The following HMCN2 variants were observed in gnomAD, a reference collection of about 807,000 sequenced individuals.
The protein encoded by HMCN2 is hemicentin 2.
Under a neutral mutation model 377.5 loss-of-function variants are expected in HMCN2, and 325 were observed. The ratio of observed to expected loss-of-function variants is 0.86; its 90% confidence interval spans 0.79 to 0.94. The LOEUF (loss-of-function observed/expected upper bound fraction) is 0.94, where lower values mean the gene tolerates loss of function less well. Ranked by LOEUF, HMCN2 falls within the 40% of genes least tolerant of loss-of-function variation. The probability of loss-of-function intolerance (pLI) is 0.00; values close to 1 mark genes in which losing one functional copy is unlikely to be tolerated. For missense variants in HMCN2, 4,543 were observed against 4,725.3 expected (o/e 0.96, Z 1.13); for synonymous variants, 2,007 against 2,046.8 (o/e 0.98, Z 0.53).
chr9:130,328,820 C>T (rs1250999282), intron 22 of HMCN2, among the ~76,000 whole-genome samples: 17 of 152,094 alleles, frequency 1.1e-4, no homozygotes, highest in African/African-American at 2.7e-4. Context: ...GGGGTAATGA[C>T]GGATGTGCAG....
At chr9:130,415,028 G>A (rs1230981509) in intron 85 of HMCN2, among the ~76,000 whole-genome samples, 1 of 152,068 alleles carries the variant, frequency 6.6e-6, no homozygotes, top group Non-Finnish European at 1.5e-5. Flanking sequence ...GGTGCCAGCA[G>A]AGCCCCACTT....
At position 130,360,255 on chromosome 9, in the gene HMCN2, C is replaced by A. The variant is rs891984950; in HGVS notation, c.5774-173C>A. Among the ~76,000 whole-genome samples the A allele has an allele frequency of 1.3e-5, 2 of 152,152 alleles. No individual in the cohort carries two copies. The highest frequency in any genetic ancestry group is 4.8e-5 in the African/African-American group (2 of 41,406). ...CTGGAAGTTTCTCTTGGGTGCCCAC[C>A]ACACCAGCAGAGTCTGACGGGCTGG... On this transcript the variant is annotated intron_variant, in intron 37 of 97. Transcript: ENST00000683500. The surrounding 1 kb of genome is among the most constrained non-coding windows in gnomAD (Gnocchi z 4.7).
At chr9:130,267,373 C>T (rs1554919520) in intron 1 of HMCN2, among the ~76,000 whole-genome samples, 2 of 150,810 alleles carry the variant, frequency 1.3e-5, no homozygotes, top group Non-Finnish European at 2.9e-5. Flanking sequence ...TATCATTCAC[C>T]CCTCTGTCAA....
At chr9:130,388,655 A>C in intron 62 of HMCN2, 115 bp downstream of exon 62, 1 of 679,122 alleles carries the variant, frequency 1.5e-6, no homozygotes, top group Non-Finnish European at 1.8e-6. Flanking sequence ...AAAACCAGAG[A>C]CTGGCAGTGC....
At chr9:130,371,541 G>T (rs1012081547) in intron 46 of HMCN2, among the ~76,000 whole-genome samples, 3 of 152,200 alleles carry the variant, frequency 2.0e-5, no homozygotes, top group Non-Finnish European at 4.4e-5. Context: ...GGTTTGTGAG[G>T]TTCTTGCTGG....
chr9:130,293,279 G>GTTTTTTT lies in HMCN2; in HGVS notation c.613-1561_613-1555dup, dbSNP rs71387339. Among the ~76,000 whole-genome samples, 332 of 57,098 alleles carry GTTTTTTT rather than the reference G, an allele frequency of 5.8e-3. 31 individuals are homozygous for GTTTTTTT. Among genetic ancestry groups the GTTTTTTT allele is most frequent in the East Asian group, 7.6e-3 (12 of 1,578 alleles). 37.5% of individuals were successfully genotyped at this position (57,098 alleles called of 152,430 possible). A position where few individuals can be genotyped will look rare whatever the true frequency, so the allele number is the denominator to read the frequency against. Reference sequence around the variant, plus strand: ...TTCCAAATAAAATCTACTCACTAAAGTTTTTTTTTTTTTTTTTTTTTGCGG... The same window carrying GTTTTTTT: ...TTCCAAATAAAATCTACTCACTAAAGTTTTTTTTTTTTTTTTTTTTTTTTTTTTGCGG... On this transcript the variant is annotated intron_variant, in intron 4 of 97. Transcript: ENST00000683500.
rs1467206698 is a variant in HMCN2 at position 130,422,552 on chromosome 9, C to T, written c.13232-25C>T. The stretch of plus-strand genomic sequence containing the variant: ...GCCCCGGGGTGGATAGTCAGTGGCA[C>T]TGTCATTCTTTCCCTTCCTTACAGG... On this transcript the variant is annotated intron_variant, in intron 86 of 97. Coordinates refer to ENST00000683500, the MANE Select transcript of HMCN2 (RefSeq NM_001291815.2). The surrounding 1 kb of genome is among the most constrained non-coding windows in gnomAD (Gnocchi z 4.2). 3.0e-6 allele frequency: 4 copies of T among 1,312,388 alleles called. No homozygotes were observed. Among genetic ancestry groups the T allele is most frequent in the Non-Finnish European group, 3.9e-6 (4 of 1,023,776 alleles). The allele number at this position is 1,312,388 out of a possible 1,614,324, so 81.3% of individuals were successfully genotyped here.
At chr9:130,349,436 G>T (rs1839574971) in intron 28 of HMCN2, 101 bp from the exon 29 acceptor site, 5 of 1,211,028 alleles carry the variant, frequency 4.1e-6, no homozygotes, top group Non-Finnish European at 5.3e-6. Flanking sequence ...CAGGTAGGAG[G>T]GGGGCCCAGG....
chr9:130,417,367 CA>C (rs1391348411), intron 85 of HMCN2, among the ~76,000 whole-genome samples: 31 of 151,050 alleles, frequency 2.1e-4, no homozygotes, highest in African/African-American at 6.1e-4. Flanking sequence ...ACCAAAAATA[CA>C]AAAATTAGCC....
At chr9:130,418,248 G>A (rs116297582) in intron 85 of HMCN2, among the ~76,000 whole-genome samples, 88 of 152,266 alleles carry the variant, frequency 5.8e-4, no homozygotes, top group African/African-American at 1.9e-3. Flanking sequence ...AGGTAGTTAC[G>A]ATCTATTGCA....
chr9:130,388,115 C>T (rs186876090), intron 61 of HMCN2, among the ~76,000 whole-genome samples: 16 of 152,128 alleles, frequency 1.1e-4, no homozygotes, highest in Non-Finnish European at 1.6e-4. Flanking sequence ...TTCATCCTGG[C>T]GGAGCAGGAG....
In HMCN2 at chr9:130,376,558, G is replaced by A; in HGVS notation, c.7961G>A (p.Gly2654Asp). 3.0e-6 allele frequency: 3 copies of A among 985,870 alleles called. No homozygotes were observed. The African/African-American group carries it at 5.2e-5, about 17-fold the overall frequency. The allele number at this position is 985,870 out of a possible 1,614,324, so 61.1% of individuals were successfully genotyped here. The part of the protein sequence containing the change: ...ISKDDPLAEV[G>D]VKEVKTKVNS... ...AAAGACGACCCCTTGGCGGAGGTCG[G>A]CGTGAAGGAGGTGAAGACCAAGGTC... The change falls in exon 52 of 98, where the codon GGC becomes GAC. Residue 2654 changes from glycine (G) to aspartate (D), a missense_variant. Around this residue, in one of 5 missense-constraint regions of HMCN2, gnomAD observed 736 missense variants for 773.2 expected, o/e 0.95. Coordinates refer to ENST00000683500, the MANE Select transcript of HMCN2 (RefSeq NM_001291815.2).
In HMCN2 at chr9:130,356,139, C is replaced by T; in HGVS notation, c.5307C>T (p.Ala1769=). The T allele has an allele frequency of 1.5e-6, 2 of 1,301,648 alleles. No homozygotes were observed. Among genetic ancestry groups the T allele is most frequent in the Non-Finnish European group, 2.0e-6 (2 of 988,584 alleles). 80.6% of individuals were successfully genotyped at this position (1,301,648 alleles called of 1,614,324 possible). The change falls in exon 34 of 98, where the codon GCC becomes GCT. Residue 1769 remains alanine (A), a synonymous_variant. Coordinates refer to ENST00000683500, the MANE Select transcript of HMCN2 (RefSeq NM_001291815.2). The part of the protein sequence containing the change: ...PAEELAGVQV[A]SQGTTLHIDH... ...AGGAGCTGGCTGGGGTGCAGGTGGC[C>T]TCGCAGGGGACCACACTGCACATTG...
At chr9:130,383,399 G>A in intron 56 of HMCN2, 105 bp from the exon 57 acceptor site, 1 of 396,450 alleles carries the variant, frequency 2.5e-6, no homozygotes, top group East Asian at 1.6e-4. Context: ...CCTGGTGCCT[G>A]CTTCCCTGGC....
rs1051057283 is a variant in HMCN2, at chr9:130,353,328, A to G, written c.4864+123A>G. 7.6e-6 allele frequency: 6 copies of G among 793,820 alleles called. No homozygotes were observed. In the African/African-American group the frequency reaches 1.1e-4, roughly 14 times the overall value. 49.2% of individuals were successfully genotyped at this position (793,820 alleles called of 1,614,324 possible). A position where few individuals can be genotyped will look rare whatever the true frequency, so the allele number is the denominator to read the frequency against. On this transcript the variant is annotated intron_variant, in intron 31 of 97. Coordinates refer to ENST00000683500, the MANE Select transcript of HMCN2 (RefSeq NM_001291815.2). ...TGGAGTGGTCAGAGGCAAAAGGATAATGGGACCAAGACATTATCTAGGGAG... is the reference window on the plus strand; with the variant it reads ...TGGAGTGGTCAGAGGCAAAAGGATAGTGGGACCAAGACATTATCTAGGGAG...
At chr9:130,355,155 T>G in intron 32 of HMCN2, 111 bp downstream of exon 32, 1 of 892,512 alleles carries the variant, frequency 1.1e-6, no homozygotes. Flanking sequence ...TGGGGAGAAG[T>G]AACCAGTGTC....
chr9:130,382,114 G>A (rs1841755191), intron 54 of HMCN2, 70 bp from the exon 55 acceptor site: 2 of 601,122 alleles, frequency 3.3e-6, no homozygotes, highest in South Asian at 1.5e-4. Context: ...TCCAGAGGAG[G>A]GGGCAGCGTC....
intron 1 of HMCN2, 57 bp from the exon 2 acceptor site, chr9:130,284,546 C>T (rs782172940): frequency 1.4e-4 from 65 of 469,878 alleles, no homozygotes; most frequent in Admixed American, 7.3e-4. Context: ...ACCAGCCCAC[C>T]GGGCTGTGTG....
intron 31 of HMCN2, among the ~76,000 whole-genome samples, chr9:130,354,024 G>A (rs1324160457): frequency 4.6e-5 from 7 of 152,280 alleles, no homozygotes; most frequent in South Asian, 2.1e-4. Context: ...AGATGGCCCC[G>A]CCGCTAGCTC....
Sources: gnomAD v4.1 joint callset for allele counts (sites outside exome capture counted in the v4.1 genomes callset) on GRCh38, gnomAD v4.1.1 for gene constraint, gnomAD v4.1.1 regional missense constraint, Gnocchi (gnomAD v3.1) non-coding constraint, MANE v1.5 for transcripts, NCBI Gene and HGNC (gene_info 2026-07-23, HGNC 2026-07-21) for gene names.